Variants in NTM observed in about 807,000 individuals in gnomAD.
The protein encoded by NTM is IgLON family member 2.
Under a neutral mutation model 42.1 loss-of-function variants are expected in NTM, and 13 were observed. The ratio of observed to expected loss-of-function variants is 0.31; its 90% CI spans 0.20 to 0.49. The LOEUF (loss-of-function observed/expected upper bound fraction) is 0.49, where lower values mean the gene tolerates loss of function less well. Among genes scored for constraint, NTM ranks in the 20% least tolerant of loss-of-function variants. The pLI, the probability that NTM is intolerant of heterozygous loss-of-function variation, is 0.99. For missense variants in NTM, 373 were observed against 452.8 expected, an observed-to-expected ratio of 0.82 and a Z score of 1.60; for synonymous variants, 187 against 179.2, an observed-to-expected ratio of 1.04 and a Z score of -0.35.
intron 3 of NTM, among the ~76,000 whole-genome samples, chr11:132,191,394 C>G (rs541140281): frequency 2.0e-5 from 3 of 152,242 alleles, no homozygotes; most frequent in African/African-American, 7.2e-5. Context: ...AGGGTTAGAG[C>G]ACACTGCCCA....
chr11:131,748,461 G>A (rs986714460), intron 1 of NTM, among the ~76,000 whole-genome samples: 2 of 152,184 alleles, frequency 1.3e-5, no homozygotes, highest in African/African-American at 2.4e-5. Flanking sequence ...CTATTTATAT[G>A]TGAAAATTCA....
chr11:132,071,054 A>G (rs531377391), intron 2 of NTM, among the ~76,000 whole-genome samples: 57 of 141,654 alleles, frequency 4.0e-4, no homozygotes, highest in African/African-American at 1.4e-3. Context: ...TTAACACGTC[A>G]CACTGACCGT....
chr11:131,996,376 A>G (rs748341973), intron 2 of NTM, among the ~76,000 whole-genome samples: 10 of 152,114 alleles, frequency 6.6e-5, no homozygotes, highest in Non-Finnish European at 1.5e-4. Context: ...ACTACAAGAG[A>G]TGGACGCGCT....
intron 2 of NTM, among the ~76,000 whole-genome samples, chr11:132,090,320 G>A (rs1026422384): frequency 6.6e-5 from 10 of 152,220 alleles, no homozygotes; most frequent in Admixed American, 1.3e-4. Flanking sequence ...GGCAGAGAGC[G>A]TGTTAGGCCC....
At chr11:132,109,157 A>G (rs543601036) in intron 2 of NTM, among the ~76,000 whole-genome samples, 140 of 151,634 alleles carry the variant, frequency 9.2e-4, no homozygotes, top group Non-Finnish European at 1.6e-3. Flanking sequence ...CAGTGCTGCA[A>G]TAAACATACG....
Position 132,271,772 on chromosome 11 carries a change from C to A in NTM, c.527-35917C>A, listed in dbSNP as rs1315753837. ...TTTTTTTTAGTGAGCTGTAAGAGTT[C>A]TTTATATTTTCTATATATGAATTCC... On this transcript the variant is annotated intron_variant, in intron 4 of 8. Coordinates refer to ENST00000683400, the MANE Select transcript of NTM (RefSeq NM_001352005.2). Among the ~76,000 whole-genome samples, 4 of 146,002 alleles carry A rather than the reference C, an allele frequency of 2.7e-5. No homozygotes were observed. The South Asian group carries it at 8.6e-4, about 32-fold the overall frequency.
At chr11:131,432,184 T>G (rs1948708967) in intron 1 of NTM, among the ~76,000 whole-genome samples, 1 of 152,088 alleles carries the variant, frequency 6.6e-6, no homozygotes. Flanking sequence ...GAGAATGCCA[T>G]TGTTGACATG....
At chr11:132,015,968 G>A (rs2073327742) in intron 2 of NTM, among the ~76,000 whole-genome samples, 1 of 151,910 alleles carries the variant, frequency 6.6e-6, no homozygotes, top group Non-Finnish European at 1.5e-5. Flanking sequence ...AATAGGAGTA[G>A]TGAAAGTGGG....
At chr11:131,609,677 C>CT (rs370728691) in intron 1 of NTM, among the ~76,000 whole-genome samples, 257 of 152,350 alleles carry the variant, frequency 1.7e-3, no homozygotes, top group African/African-American at 6.0e-3. Flanking sequence ...AGCCCTGGGT[C>CT]TGACCCTTAA....
At chr11:132,240,745 A>G (rs1037937645) in intron 4 of NTM, among the ~76,000 whole-genome samples, 6 of 152,246 alleles carry the variant, frequency 3.9e-5, no homozygotes, top group Admixed American at 2.0e-4. Context: ...GTGAAATTAG[A>G]TAGAGAAAAA....
chr11:131,817,811 A>C (rs1482578739), intron 1 of NTM, among the ~76,000 whole-genome samples: 1 of 152,240 alleles, frequency 6.6e-6, no homozygotes, highest in Non-Finnish European at 1.5e-5. Flanking sequence ...CCTTGCGGGC[A>C]CTGACTAGAC....
intron 1 of NTM, among the ~76,000 whole-genome samples, chr11:131,674,232 C>T (rs1268546205): frequency 6.6e-6 from 1 of 152,248 alleles, no homozygotes. Flanking sequence ...CCACCGCCTA[C>T]ACTGAAACTG....
rs1555101739 is a variant in NTM at position 131,401,818 on chromosome 11, A to ATATATATATGTG, written c.82+30939_82+30940insGTGTATATATAT. ...ACTGGAAATATATATATATATATAT[A>ATATATATATGTG]TATATATATATATATATATATATAT... On this transcript the variant is annotated intron_variant, in intron 1 of 8. Transcript: ENST00000683400. Among the ~76,000 whole-genome samples the ATATATATATGTG allele has an allele frequency of 8.2e-3, 351 of 42,980 alleles. 28 individuals are homozygous for ATATATATATGTG. The highest frequency in any genetic ancestry group is 0.021 in the African/African-American group (180 of 8,560). 28.2% of individuals were successfully genotyped at this position (42,980 alleles called of 152,430 possible). A position where few individuals can be genotyped will look rare whatever the true frequency, so the allele number is the denominator to read the frequency against.
At chr11:131,967,100 A>G (rs183396903) in intron 2 of NTM, among the ~76,000 whole-genome samples, 2 of 152,326 alleles carry the variant, frequency 1.3e-5, no homozygotes, top group East Asian at 3.9e-4. Flanking sequence ...TGTTGTCCAC[A>G]TTAAGATGAA....
chr11:131,511,140 T>C (rs1164275016), intron 1 of NTM, among the ~76,000 whole-genome samples: 2 of 152,008 alleles, frequency 1.3e-5, no homozygotes, highest in Non-Finnish European at 2.9e-5. Context: ...ACGTGATGAG[T>C]GGTGCTTCTA....
At chr11:131,608,107 T>C (rs2061146222) in intron 1 of NTM, among the ~76,000 whole-genome samples, 1 of 152,172 alleles carries the variant, frequency 6.6e-6, no homozygotes, top group African/African-American at 2.4e-5. Flanking sequence ...CCATGTGTTC[T>C]CATTGTTCAA....
chr11:131,890,600 T>C (rs2051175602), intron 1 of NTM, among the ~76,000 whole-genome samples: 1 of 152,210 alleles, frequency 6.6e-6, no homozygotes, highest in Admixed American at 6.5e-5. Context: ...TTTTCTGGGT[T>C]TTTTTTCTAA....
chr11:131,423,456 A>T (rs957417521), intron 1 of NTM, among the ~76,000 whole-genome samples: 3 of 152,194 alleles, frequency 2.0e-5, no homozygotes, highest in African/African-American at 7.2e-5. Context: ...AGTTTTCTAG[A>T]ATAAGGCTGA....
rs1044202043 is a variant in NTM, at chr11:131,763,652, A to T, written c.83-147912A>T. 2.1e-5 allele frequency among the ~76,000 whole-genome samples: 3 copies of T among 141,054 alleles called. No individual in the cohort carries two copies. In the South Asian group the frequency reaches 7.3e-4, roughly 34 times the overall value. 92.5% of individuals were successfully genotyped at this position (141,054 alleles called of 152,430 possible). Reference sequence around the variant, plus strand: ...GCTCTGGGTACTACAAACCCCAGGGATCCTCATTCCCAGGCCCATGCTGCT... The same window carrying T: ...GCTCTGGGTACTACAAACCCCAGGGTTCCTCATTCCCAGGCCCATGCTGCT... On this transcript the variant is annotated intron_variant, in intron 1 of 8. Transcript: ENST00000683400.
Sources: gnomAD v4.1 joint callset for allele counts (sites outside exome capture counted in the v4.1 genomes callset) on GRCh38, gnomAD v4.1.1 for gene constraint, MANE v1.5 for transcripts, NCBI Gene and HGNC (gene_info 2026-07-23, HGNC 2026-07-21) for gene names.